The following FOXP2 variants were observed in gnomAD, a reference collection of about 807,000 sequenced individuals.
The protein encoded by FOXP2 is forkhead box P2.
A neutral mutation model predicts 115.8 loss-of-function variants in FOXP2; 12 were observed. The observed-to-expected ratio is 0.10, with a 90% confidence interval of 0.07 to 0.17. The LOEUF is 0.17. FOXP2 is among the 10% of genes least tolerant of loss of function. The probability of loss-of-function intolerance (pLI) is 1.00; values close to 1 mark genes in which losing one functional copy is unlikely to be tolerated. For missense variants in FOXP2, 629 were observed against 843.5 expected, an observed-to-expected ratio of 0.75 and a Z score of 3.15; for synonymous variants, 328 against 297.7, an observed-to-expected ratio of 1.10 and a Z score of -1.05.
intron 2 of FOXP2, among the ~76,000 whole-genome samples, chr7:114,525,401 G>T (rs565548242): frequency 6.6e-6 from 1 of 152,176 alleles, no homozygotes; most frequent in Non-Finnish European, 1.5e-5. Context: ...CAGTAGAAAA[G>T]TAAGTAGTTC....
intron 2 of FOXP2, among the ~76,000 whole-genome samples, chr7:114,322,386 C>T (rs984350443): frequency 4.6e-5 from 7 of 151,600 alleles, no homozygotes; most frequent in Admixed American, 3.3e-4. Context: ...TGTGGTGGCT[C>T]ATGCTTGCAG....
chr7:114,087,244 GAC>G (rs1448540183), upstream of FOXP2, among the ~76,000 whole-genome samples: 3 of 152,134 alleles, frequency 2.0e-5, no homozygotes, highest in African/African-American at 7.2e-5. Flanking sequence ...ATGGAAAGGG[GAC>G]ACTCCTGTTT....
At chr7:114,613,002 G>C (rs1803715470) in intron 3 of FOXP2, among the ~76,000 whole-genome samples, 1 of 152,182 alleles carries the variant, frequency 6.6e-6, no homozygotes, top group Admixed American at 6.5e-5. Context: ...TACTTTGTCA[G>C]TGGTTTTACT....
intron 2 of FOXP2, among the ~76,000 whole-genome samples, chr7:114,362,698 C>A (rs1385239253): frequency 6.6e-6 from 1 of 151,862 alleles, no homozygotes; most frequent in African/African-American, 2.4e-5. Flanking sequence ...TTAATAGAAA[C>A]CAAAATGTTT....
intron 1 of FOXP2, among the ~76,000 whole-genome samples, chr7:114,265,435 T>G (rs983820438): frequency 2.0e-5 from 3 of 152,180 alleles, no homozygotes; most frequent in Non-Finnish European, 2.9e-5. Context: ...TCCCAAGGCC[T>G]TGGGCAGCTC....
rs182719770 is a variant in FOXP2 at position 114,687,390 on chromosome 7, G to A, written c.2004-2392G>A. Among the ~76,000 whole-genome samples, 4 of 152,220 alleles carry A rather than the reference G, an allele frequency of 2.6e-5. 1 individual carries two copies. In the East Asian group the frequency reaches 7.7e-4, roughly 29 times the overall value. On this transcript the variant is annotated intron_variant, in intron 16 of 16. Transcript: ENST00000350908. The stretch of plus-strand genomic sequence containing the variant: ...ATGCAAGTGTCTCATTCCAATTGCA[G>A]CAATGAATTCAAAGATACATAGTAC...
intron 2 of FOXP2, among the ~76,000 whole-genome samples, chr7:114,328,045 C>A (rs1414752791): frequency 6.6e-6 from 1 of 151,506 alleles, no homozygotes; most frequent in Non-Finnish European, 1.5e-5. Context: ...CTCAGCCTCC[C>A]TAGTAGCTGA....
At chr7:114,123,562 TC>T (rs1283966492) in intron 1 of FOXP2, among the ~76,000 whole-genome samples, 2 of 152,082 alleles carry the variant, frequency 1.3e-5, no homozygotes, top group African/African-American at 2.4e-5. Flanking sequence ...TAATTAGAAA[TC>T]TTTTATCATC....
chr7:114,560,100 C>T (rs1448102156), intron 3 of FOXP2, among the ~76,000 whole-genome samples: 2 of 151,760 alleles, frequency 1.3e-5, no homozygotes, highest in Non-Finnish European at 2.9e-5. Context: ...AATTTAGAAT[C>T]CATTAAAGAA....
At chr7:114,546,541 T>A (rs1781142656) in intron 3 of FOXP2, among the ~76,000 whole-genome samples, 1 of 152,218 alleles carries the variant, frequency 6.6e-6, no homozygotes, top group South Asian at 2.1e-4. Flanking sequence ...CTATGCAAAC[T>A]TTGATACCAA....
intron 7 of FOXP2, among the ~76,000 whole-genome samples, chr7:114,643,674 C>G (rs561524265): frequency 1.2e-4 from 19 of 152,224 alleles, no homozygotes; most frequent in Non-Finnish European, 2.9e-5. Flanking sequence ...ATCTTGCTCT[C>G]TAATCAAGTC....
chr7:114,148,551 T>C (rs1198711742), intron 1 of FOXP2, among the ~76,000 whole-genome samples: 1 of 152,154 alleles, frequency 6.6e-6, no homozygotes, highest in East Asian at 1.9e-4. Context: ...TAATTTTGCA[T>C]TAGTTGGTGC....
Position 114,104,011 on chromosome 7 carries a change from A to G in FOXP2, c.-247+16173A>G, listed in dbSNP as rs1173188278. 2.0e-5 allele frequency among the ~76,000 whole-genome samples: 3 copies of G among 151,686 alleles called. No individual in the cohort carries two copies. In the East Asian group the frequency reaches 5.8e-4, roughly 29 times the overall value. On this transcript the variant is annotated intron_variant, in intron 1 of 19. Coordinates refer to the FOXP2 transcript ENST00000635638. The stretch of plus-strand genomic sequence containing the variant: ...ATAATACTGAATTTCTTTGTGAAGT[A>G]ATTTAGTTCAGAATTATATGATTTC...
intron 3 of FOXP2, among the ~76,000 whole-genome samples, chr7:114,536,657 A>G (rs1476508318): frequency 5.9e-5 from 9 of 151,450 alleles, no homozygotes; most frequent in African/African-American, 1.9e-4. Context: ...GTTGCTGACC[A>G]TGACTACAAA....
chr7:114,497,945 A>C (rs1371741087), intron 2 of FOXP2, among the ~76,000 whole-genome samples: 1 of 152,134 alleles, frequency 6.6e-6, no homozygotes, highest in South Asian at 2.1e-4. Context: ...AGCACTGTAC[A>C]ATACAAGCCT....
At chr7:114,334,495 T>A (rs1302440082) in intron 2 of FOXP2, among the ~76,000 whole-genome samples, 1 of 151,944 alleles carries the variant, frequency 6.6e-6, no homozygotes, top group Non-Finnish European at 1.5e-5. Context: ...GATTTTTAAA[T>A]TTAACATAGT....
chr7:114,424,914 T>C (rs1793775527), intron 1 of FOXP2, among the ~76,000 whole-genome samples: 1 of 151,414 alleles, frequency 6.6e-6, no homozygotes, highest in South Asian at 2.1e-4. Context: ...AATCAGTATG[T>C]CTTTTTTTTT....
chr7:114,480,568 T>G (rs576305374), intron 2 of FOXP2, among the ~76,000 whole-genome samples: 1 of 150,328 alleles, frequency 6.7e-6, no homozygotes, highest in East Asian at 1.9e-4. Context: ...CACATATACA[T>G]GTAAATATAT....
At chr7:114,281,095 ATTTTTTTTTTTT>A (rs71157578) in intron 1 of FOXP2, among the ~76,000 whole-genome samples, 1 of 92,858 alleles carries the variant, frequency 1.1e-5, no homozygotes, top group East Asian at 3.4e-4. Flanking sequence ...TGCAATTTGA[ATTTTTTTTTTTT>A]TTTTTTTTTT....
Sources: gnomAD v4.1 joint callset for allele counts (sites outside exome capture counted in the v4.1 genomes callset) on GRCh38, gnomAD v4.1.1 for gene constraint, MANE v1.5 for transcripts, NCBI Gene and HGNC (gene_info 2026-07-23, HGNC 2026-07-21) for gene names.